The following AAMDC variants were observed in gnomAD, a reference collection of about 807,000 sequenced individuals.
AAMDC encodes the protein adipogenesis associated Mth938 domain containing, also known as mth938 domain-containing protein.
AAMDC carries 16 observed loss-of-function variants against 15.5 expected under a neutral mutation model. The observed-to-expected ratio is 1.03, with a 90% CI of 0.70 to 1.57. The LOEUF (loss-of-function observed/expected upper bound fraction) is 1.57, where lower values mean the gene tolerates loss of function less well. Ranked by LOEUF, AAMDC falls within the 40% of genes most tolerant of loss-of-function variation. AAMDC has a pLI of 0.00. For synonymous variants in AAMDC, 51 were observed against 51.6 expected, an observed-to-expected ratio of 0.99 and a Z score of 0.05; for missense variants, 141 against 144.9, an observed-to-expected ratio of 0.97 and a Z score of 0.14.
chr11:77,846,562 C>T (rs374928669), intron 2 of AAMDC, among the ~76,000 whole-genome samples: 23 of 152,072 alleles, frequency 1.5e-4, no homozygotes, highest in African/African-American at 5.1e-4. Context: ...CAAAATTAGC[C>T]GGGTGTGGTG....
At chr11:77,828,331 A>G (rs1247483059) in intron 1 of AAMDC, among the ~76,000 whole-genome samples, 1 of 152,120 alleles carries the variant, frequency 6.6e-6, no homozygotes, top group Non-Finnish European at 1.5e-5. Flanking sequence ...CATTTACAAT[A>G]GAATCAGAAA....
intron 5 of AAMDC, among the ~76,000 whole-genome samples, chr11:77,883,669 GTTT>G (rs957222020): frequency 6.6e-6 from 1 of 151,942 alleles, no homozygotes. Context: ...AATATACCCA[GTTT>G]TTTACCCACT....
chr11:77,831,417 A>G (rs528363633), intron 1 of AAMDC, among the ~76,000 whole-genome samples: 4 of 152,338 alleles, frequency 2.6e-5, no homozygotes, highest in South Asian at 4.1e-4. Context: ...CATTGTTTCT[A>G]ATGTCAAAAA....
chr11:77,868,026 CT>C (rs771324557), intron 2 of AAMDC, among the ~76,000 whole-genome samples: 12 of 150,482 alleles, frequency 8.0e-5, no homozygotes, highest in Admixed American at 2.6e-4. Flanking sequence ...CTGACTTTAA[CT>C]GTTCTTCTAG....
intron 5 of AAMDC, among the ~76,000 whole-genome samples, chr11:77,887,821 C>T (rs182714079): frequency 6.6e-6 from 1 of 152,296 alleles, no homozygotes; most frequent in East Asian, 1.9e-4. Context: ...TCCCCATTCA[C>T]AATTGGTTCA....
chr11:77,842,569 G>T lies in AAMDC; in HGVS notation c.73G>T (p.Asp25Tyr). The change falls in exon 2 of 4, where the codon GAC (aspartate) becomes TAC (tyrosine). Residue 25 changes from aspartate (D) to tyrosine (Y), a missense_variant. Transcript: ENST00000393427. ...KVKGSNTTYK[D>Y]CKVWPGGSRT... ...AAAAGGCTCTAATACAACCTATAAG[G>T]ACTGCAAAGTATGGCCAGGGGGTAG... The T allele has an allele frequency of 1.2e-6, 2 of 1,614,020 alleles. No homozygotes were observed. Among genetic ancestry groups the T allele is most frequent in the South Asian group, 2.2e-5 (2 of 91,044 alleles).
At chr11:77,828,886 T>C (rs1042629228) in intron 1 of AAMDC, among the ~76,000 whole-genome samples, 9 of 152,144 alleles carry the variant, frequency 5.9e-5, no homozygotes, top group Admixed American at 5.9e-4. Flanking sequence ...CTAATACTAA[T>C]ATGGAAATTC....
At position 77,891,789 on chromosome 11, in the gene AAMDC, G is replaced by A. The variant is rs762239913; in HGVS notation, c.329-8782G>A. ...TCATGAGTCGGGGCATAAGGTCAAGGAGTTTGTCCACAAAGCTGTCCTGCA... is the reference window on the plus strand; with the variant it reads ...TCATGAGTCGGGGCATAAGGTCAAGAAGTTTGTCCACAAAGCTGTCCTGCA... On this transcript the variant is annotated intron_variant, in intron 5 of 5. Transcript: ENST00000304716. The A allele has an allele frequency of 3.7e-6, 6 of 1,611,868 alleles. No individual in the cohort carries two copies. The African/African-American group carries it at 4.0e-5, about 11-fold the overall frequency.
At chr11:77,895,392 T>C (rs957739877) in intron 5 of AAMDC, among the ~76,000 whole-genome samples, 3 of 151,988 alleles carry the variant, frequency 2.0e-5, no homozygotes, top group African/African-American at 7.3e-5. Flanking sequence ...GAGTAGACTT[T>C]GTATTCTTCA....
At chr11:77,870,546 C>T (rs1309243395) in intron 3 of AAMDC, among the ~76,000 whole-genome samples, 6 of 151,826 alleles carry the variant, frequency 4.0e-5, no homozygotes. Flanking sequence ...ACCGTGTTAG[C>T]CAGGATGGTC....
Position 77,861,435 on chromosome 11 carries a change from A to C in AAMDC, c.133-8287A>C, listed in dbSNP as rs187064552. Reference sequence around the variant, plus strand: ...GACTGAGAAGGCCGCGCCAGTGTCCAAGAGACAGTTAACCTCCTGGCCCTC... The same window carrying C: ...GACTGAGAAGGCCGCGCCAGTGTCCCAGAGACAGTTAACCTCCTGGCCCTC... On this transcript the variant is annotated intron_variant, in intron 2 of 3. Coordinates refer to ENST00000393427, the MANE Select transcript of AAMDC (RefSeq NM_024684.4). Among the ~76,000 whole-genome samples the C allele has an allele frequency of 3.3e-5, 5 of 152,318 alleles. No homozygotes were observed. In the East Asian group the frequency reaches 9.6e-4, roughly 29 times the overall value.
At chr11:77,903,477 T>C (rs1952841261), downstream of AAMDC, 2 of 1,606,650 alleles carry the variant, frequency 1.2e-6, no homozygotes, top group East Asian at 4.5e-5. Context: ...CCTCTGGCTC[T>C]GTCTTGGACC....
intron 1 of AAMDC, among the ~76,000 whole-genome samples, chr11:77,823,618 T>C (rs1949036569): frequency 1.6e-5 from 1 of 62,928 alleles, no homozygotes; most frequent in African/African-American, 7.6e-5. Context: ...CTACACCCTG[T>C]CTCAAAAAAA....
intron 2 of AAMDC, among the ~76,000 whole-genome samples, chr11:77,845,986 G>C (rs2136159048): frequency 6.6e-6 from 1 of 150,868 alleles, no homozygotes; most frequent in Admixed American, 6.6e-5. Context: ...TAATGTCTTT[G>C]TTGTTTTGTT....
chr11:77,846,692 G>A (rs998088173), intron 2 of AAMDC, among the ~76,000 whole-genome samples: 2 of 152,178 alleles, frequency 1.3e-5, no homozygotes, highest in East Asian at 3.9e-4. Flanking sequence ...GGTAACAAGA[G>A]TGAAACTACA....
chr11:77,829,174 A>G (rs1949308984), intron 1 of AAMDC, among the ~76,000 whole-genome samples: 1 of 148,686 alleles, frequency 6.7e-6, no homozygotes, highest in Non-Finnish European at 1.5e-5. Flanking sequence ...TTTTATAAGA[A>G]CAGAAATAGA....
chr11:77,862,935 T>TG (rs1313803248), intron 2 of AAMDC, among the ~76,000 whole-genome samples: 1 of 152,148 alleles, frequency 6.6e-6, no homozygotes, highest in Non-Finnish European at 1.5e-5. Flanking sequence ...GTTTTTGCCT[T>TG]GGGGGGAACG....
At chr11:77,896,652 CAAAAA>C (rs58549095) in intron 5 of AAMDC, among the ~76,000 whole-genome samples, 1 of 70,672 alleles carries the variant, frequency 1.4e-5, no homozygotes. Context: ...AACTCCGTCT[CAAAAA>C]AAAAAAAAAA....
intron 5 of AAMDC, among the ~76,000 whole-genome samples, chr11:77,878,142 C>G (rs938624441): frequency 2.0e-5 from 3 of 152,084 alleles, no homozygotes; most frequent in South Asian, 2.1e-4. Context: ...GTGGGCAGAT[C>G]ACGAGGTCAG....
Sources: gnomAD v4.1 joint callset for allele counts (sites outside exome capture counted in the v4.1 genomes callset) on GRCh38, gnomAD v4.1.1 for gene constraint, MANE v1.5 for transcripts, NCBI Gene and HGNC (gene_info 2026-07-23, HGNC 2026-07-21) for gene names.